PDE4D: variants seen among roughly 807,000 people sequenced by gnomAD.
PDE4D encodes the protein phosphodiesterase 4D, also known as 3',5'-cyclic-AMP phosphodiesterase 4D.
Under a neutral mutation model 87.4 loss-of-function variants are expected in PDE4D, and 24 were observed. The ratio of observed to expected loss-of-function variants is 0.27; its 90% CI spans 0.20 to 0.39. PDE4D has a LOEUF of 0.39. PDE4D is among the 10% of genes least tolerant of loss of function. The pLI is 1.00. For missense variants in PDE4D, 714 were observed against 1,041.0 expected (o/e 0.69, Z 4.32); for synonymous variants, 384 against 383.2 (o/e 1.00, Z -0.02).
intron 5 of PDE4D, among the ~76,000 whole-genome samples, chr5:59,089,058 G>T (rs372512200): frequency 9.2e-5 from 14 of 152,270 alleles, no homozygotes; most frequent in African/African-American, 3.1e-4. Flanking sequence ...GCCTTATTAC[G>T]CCTTTAGGGA....
intron 2 of PDE4D, among the ~76,000 whole-genome samples, chr5:60,144,449 G>C (rs536938590): frequency 5.3e-5 from 8 of 152,298 alleles, no homozygotes; most frequent in Admixed American, 3.9e-4. Flanking sequence ...GGACTGTGAG[G>C]GAATTGGACA....
At chr5:60,042,156 C>T (rs1014183102) in intron 2 of PDE4D, among the ~76,000 whole-genome samples, 2 of 152,106 alleles carry the variant, frequency 1.3e-5, no homozygotes, top group East Asian at 1.9e-4. Context: ...CTTCAGTAGG[C>T]GGTTTTCTCC....
At chr5:60,471,762 A>G (rs1018080876) in intron 1 of PDE4D, among the ~76,000 whole-genome samples, 1 of 152,192 alleles carries the variant, frequency 6.6e-6, no homozygotes, top group Non-Finnish European at 1.5e-5. Context: ...CTATTTGCAC[A>G]CTTAATCAAC....
At chr5:60,176,818 G>C (rs1783941639) in intron 2 of PDE4D, among the ~76,000 whole-genome samples, 1 of 152,102 alleles carries the variant, frequency 6.6e-6, no homozygotes, top group African/African-American at 2.4e-5. Flanking sequence ...CGCTGTAAAA[G>C]GAGTTTTTTG....
At chr5:59,590,986 A>T (rs1283622138) in intron 1 of PDE4D, among the ~76,000 whole-genome samples, 1 of 152,166 alleles carries the variant, frequency 6.6e-6, no homozygotes, top group Non-Finnish European at 1.5e-5. Context: ...AGGTTTTCAA[A>T]CTAAGTTTCT....
At chr5:59,809,356 CA>C (rs1768083676) in intron 1 of PDE4D, among the ~76,000 whole-genome samples, 1 of 152,124 alleles carries the variant, frequency 6.6e-6, no homozygotes, top group African/African-American at 2.4e-5. Flanking sequence ...GCAATAAAAT[CA>C]AAATCATTTG....
chr5:60,212,385 T>C (rs746067402), intron 1 of PDE4D, among the ~76,000 whole-genome samples: 5 of 152,192 alleles, frequency 3.3e-5, no homozygotes, highest in Non-Finnish European at 7.3e-5. Flanking sequence ...AACCCAGATT[T>C]AGCCAATTGG....
intron 1 of PDE4D, among the ~76,000 whole-genome samples, chr5:60,220,452 A>G (rs1034515642): frequency 6.6e-6 from 1 of 152,024 alleles, no homozygotes; most frequent in Non-Finnish European, 1.5e-5. Flanking sequence ...TCACCTGGGG[A>G]CTTTTAGAAA....
chr5:59,642,448 G>A lies in PDE4D; in HGVS notation c.455+250720C>T, dbSNP rs937496259. On this transcript the variant is annotated intron_variant, in intron 1 of 14. Coordinates refer to ENST00000340635, the MANE Select transcript of PDE4D (RefSeq NM_001104631.2). The stretch of plus-strand genomic sequence containing the variant: ...AATTATACTCCCATAATTTCCATGT[G>A]TTGTGGGGGACACCCGGTGGGAGAT... Among the ~76,000 whole-genome samples, 4 of 152,118 alleles carry A rather than the reference G, an allele frequency of 2.6e-5. No homozygotes were observed. The South Asian group carries it at 8.3e-4, about 32-fold the overall frequency.
chr5:60,025,117 A>G (rs1561992566), intron 2 of PDE4D, among the ~76,000 whole-genome samples: 1 of 152,164 alleles, frequency 6.6e-6, no homozygotes, highest in Non-Finnish European at 1.5e-5. Flanking sequence ...GATAAATTGG[A>G]TTTATACCAA....
chr5:59,613,296 A>G (rs1271706213), intron 1 of PDE4D, among the ~76,000 whole-genome samples: 2 of 152,230 alleles, frequency 1.3e-5, no homozygotes, highest in African/African-American at 2.4e-5. Context: ...CAGGAGGAGC[A>G]AGTTTGCTGG....
At chr5:59,450,798 G>A (rs938858036) in intron 1 of PDE4D, among the ~76,000 whole-genome samples, 1 of 152,008 alleles carries the variant, frequency 6.6e-6, no homozygotes, top group African/African-American at 2.4e-5. Context: ...TACCAACTCG[G>A]GCAAATCCTT....
At chr5:60,132,093 A>C (rs779195267) in intron 2 of PDE4D, among the ~76,000 whole-genome samples, 1 of 152,150 alleles carries the variant, frequency 6.6e-6, no homozygotes, top group Non-Finnish European at 1.5e-5. Context: ...TTTTTCTACT[A>C]TTTTAATGGG....
chr5:59,576,346 T>C (rs954641208), intron 1 of PDE4D, among the ~76,000 whole-genome samples: 5 of 152,146 alleles, frequency 3.3e-5, no homozygotes, highest in Non-Finnish European at 5.9e-5. Flanking sequence ...AAAAAATTAG[T>C]CTATACTTGG....
intron 11 of PDE4D, 75 bp downstream of exon 11, chr5:58,988,418 G>A (rs1335996390): frequency 3.9e-6 from 2 of 512,680 alleles, no homozygotes; most frequent in African/African-American, 2.0e-5. Context: ...GGAAGACTCT[G>A]AGTTTATAAA....
chr5:59,382,101 C>T (rs1785984305), intron 1 of PDE4D, among the ~76,000 whole-genome samples: 1 of 151,988 alleles, frequency 6.6e-6, no homozygotes, highest in Non-Finnish European at 1.5e-5. Flanking sequence ...CTTTACAGTC[C>T]CCCATTTCCC....
chr5:59,012,248 T>C (rs1356948442), intron 6 of PDE4D, among the ~76,000 whole-genome samples: 3 of 152,160 alleles, frequency 2.0e-5, no homozygotes, highest in Non-Finnish European at 4.4e-5. Flanking sequence ...CATCAACTAA[T>C]GGGCAAAATA....
At chr5:59,910,109 A>G (rs1036992689) in intron 3 of PDE4D, among the ~76,000 whole-genome samples, 1 of 152,052 alleles carries the variant, frequency 6.6e-6, no homozygotes, top group Non-Finnish European at 1.5e-5. Flanking sequence ...GAGCTCATCT[A>G]CTTTATTGTT....
At chr5:59,200,087 G>A (rs1178636314) in intron 2 of PDE4D, among the ~76,000 whole-genome samples, 2 of 149,808 alleles carry the variant, frequency 1.3e-5, no homozygotes, top group African/African-American at 5.0e-5. Context: ...ACACATACAT[G>A]TATGTAGACA....
Sources: allele counts gnomAD v4.1 joint callset (sites outside exome capture counted in the v4.1 genomes callset), GRCh38; gene constraint gnomAD v4.1.1; transcripts MANE v1.5; gene names NCBI Gene and HGNC (gene_info 2026-07-23, HGNC 2026-07-21).